The following ACOX2 variants were observed in gnomAD, a reference collection of about 807,000 sequenced individuals.
ACOX2 encodes the protein acyl-CoA oxidase 2, also known as peroxisomal acyl-coenzyme A oxidase 2.
Under a neutral mutation model 77.5 loss-of-function variants are expected in ACOX2, and 59 were observed. That is an observed-to-expected ratio of 0.76 (90% CI 0.62 to 0.95). The LOEUF (loss-of-function observed/expected upper bound fraction) is 0.95, where lower values mean the gene tolerates loss of function less well. Among genes scored for constraint, ACOX2 ranks in the 40% least tolerant of loss-of-function variants. The pLI is 0.00. For missense variants in ACOX2, 837 were observed against 880.4 expected (o/e 0.95, Z 0.62); for synonymous variants, 317 against 340.1 (o/e 0.93, Z 0.75).
rs1366823913 is a variant in ACOX2, at chr3:58,521,433, T to G, written c.1632+1063A>C. 9.9e-5 allele frequency among the ~76,000 whole-genome samples: 15 copies of G among 152,090 alleles called. No individual in the cohort carries two copies. The East Asian group carries it at 1.5e-3, about 16-fold the overall frequency. On this transcript the variant is annotated intron_variant, in intron 12 of 14. Coordinates refer to ENST00000302819, the MANE Select transcript of ACOX2 (RefSeq NM_003500.4). The surrounding 1 kb of genome is among the most constrained non-coding windows in gnomAD (Gnocchi z 4.8). ...AGCTGCCTAAGCTAGAACTCAGGAGTTGTTCTTACCTCTTTCCCACCCCAG... is the reference window on the plus strand; with the variant it reads ...AGCTGCCTAAGCTAGAACTCAGGAGGTGTTCTTACCTCTTTCCCACCCCAG...
At position 58,512,356 on chromosome 3, in the gene ACOX2, T is replaced by A. The variant is rs2063294234; in HGVS notation, c.1851-3331A>T. 6.6e-6 allele frequency among the ~76,000 whole-genome samples: 1 copy of A among 152,234 alleles called. No homozygotes were observed. The highest frequency in any genetic ancestry group is 2.4e-5 in the African/African-American group (1 of 41,466). ...CTCCAATCCACTATCATCACTCACT[T>A]GGATGATTGCATTAGCGATCCAGCT... is the stretch of plus-strand genomic sequence containing the variant. On this transcript the variant is annotated intron_variant, in intron 13 of 14. Transcript: ENST00000302819. The surrounding 1 kb of genome is among the most constrained non-coding windows in gnomAD (Gnocchi z 4.8).
intron 13 of ACOX2, among the ~76,000 whole-genome samples, chr3:58,513,516 C>T (rs2063301641): frequency 6.6e-6 from 1 of 152,028 alleles, no homozygotes; most frequent in Non-Finnish European, 1.5e-5. Context: ...TTTCCATTAT[C>T]ATTTTTTAAC....
intron 12 of ACOX2, among the ~76,000 whole-genome samples, chr3:58,520,992 T>C (rs192122628): frequency 1.3e-5 from 2 of 152,320 alleles, no homozygotes; most frequent in African/African-American, 4.8e-5. Flanking sequence ...CTGTGTGGAT[T>C]AAATGAAGTA....
chr3:58,505,228 A>C lies in ACOX2; in HGVS notation c.2042T>G (p.Leu681Arg), dbSNP rs2063225637. The change falls in exon 15 of 15, where the codon CTA becomes CGA. Residue 681 changes from leucine (L) to arginine (R), a missense_variant. By Grantham distance (102) the Leu-to-Arg change is moderately radical. Transcript: ENST00000302819. This position sits in a 1 kb window ranked among gnomAD's most constrained non-coding sequence, Gnocchi z 4.4. The stretch of plus-strand genomic sequence containing the variant: ...TCTTGAATACTGTTGGTTATTTCAT[A>C]GCTTGGATCTCCAACTTTGTAAAAG... Reference protein sequence around the residue: ...RPLLQSWRSKL With the variant: ...RPLLQSWRSKR 4 of 1,612,960 alleles carry C rather than the reference A, an allele frequency of 2.5e-6. No individual in the cohort carries two copies. Among genetic ancestry groups the C allele is most frequent in the Non-Finnish European group, 3.4e-6 (4 of 1,179,464 alleles).
chr3:58,513,843 G>A (rs1444502364), intron 13 of ACOX2, among the ~76,000 whole-genome samples: 1 of 152,148 alleles, frequency 6.6e-6, no homozygotes, highest in Non-Finnish European at 1.5e-5. Flanking sequence ...GTTCACTATG[G>A]AGTGAATTGG....
At chr3:58,509,633 A>G (rs1230036603) in intron 13 of ACOX2, among the ~76,000 whole-genome samples, 1 of 112,130 alleles carries the variant, frequency 8.9e-6, no homozygotes, top group East Asian at 2.4e-4. Context: ...TTTTTGATAC[A>G]GAGTCTCAGT....
rs1043157756 is a variant in ACOX2, at chr3:58,531,295, G to A, written c.775C>T (p.His259Tyr). The A allele has an allele frequency of 6.2e-7, 1 of 1,613,656 alleles. No homozygotes were observed. Among genetic ancestry groups the A allele is most frequent in the South Asian group, 1.1e-5 (1 of 91,056 alleles). ...ATGTTCTCCCTGGGGACCCGCACAT[G>A]GTTCAGCTGCAGGAAGCCATTGTCT... ...QTDNGFLQLN[H>Y]VRVPRENMLS... is the part of the protein sequence containing the mutation. The change falls in exon 7 of 15, where the codon CAT (histidine) becomes TAT (tyrosine). Residue 259 changes from histidine (H) to tyrosine (Y), a missense_variant. By Grantham distance (83) the His-to-Tyr change is moderately conservative (BLOSUM62 2). Coordinates refer to ENST00000302819, the MANE Select transcript of ACOX2 (RefSeq NM_003500.4). The surrounding 1 kb of genome is among the most constrained non-coding windows in gnomAD (Gnocchi z 5.8).
In ACOX2 at chr3:58,530,453, G is replaced by A. The variant is rs142158459; in HGVS notation, c.992+13C>T. On this transcript the variant is annotated intron_variant, in intron 8 of 14. Transcript: ENST00000302819. Reference sequence around the variant, plus strand: ...AGCATATCTGCGGTAGTCAGTCACTGGGCACCCCTTGCCTGGGCCGGAGCC... The same window carrying A: ...AGCATATCTGCGGTAGTCAGTCACTAGGCACCCCTTGCCTGGGCCGGAGCC... 24,149 of 1,612,364 alleles carry A rather than the reference G, an allele frequency of 0.015. 231 individuals are homozygous for A. Among genetic ancestry groups the A allele is most frequent in the Middle Eastern group, 0.018 (109 of 6,030 alleles).
Position 58,505,899 on chromosome 3 carries a change from T to C in ACOX2, c.1984-613A>G, listed in dbSNP as rs2063230907. On this transcript the variant is annotated intron_variant, in intron 14 of 14. Coordinates refer to ENST00000302819, the MANE Select transcript of ACOX2 (RefSeq NM_003500.4). This position sits in a 1 kb window ranked among gnomAD's most constrained non-coding sequence, Gnocchi z 4.4. Reference sequence around the variant, plus strand: ...TCCGCCTCCTGGGTTCAAGCGATTCTTGTGCCTCAGCCTCCCGAGTACCTT... The same window carrying C: ...TCCGCCTCCTGGGTTCAAGCGATTCCTGTGCCTCAGCCTCCCGAGTACCTT... Among the ~76,000 whole-genome samples, 8 of 152,174 alleles carry C rather than the reference T, an allele frequency of 5.3e-5. No homozygotes were observed. The highest frequency in any genetic ancestry group is 4.6e-4 in the Admixed American group (7 of 15,280).
chr3:58,520,965 C>T (rs1460122260), intron 12 of ACOX2, among the ~76,000 whole-genome samples: 2 of 152,218 alleles, frequency 1.3e-5, no homozygotes, highest in Non-Finnish European at 2.9e-5. Context: ...GAAATAATGT[C>T]AGTCTCCCTC....
chr3:58,522,569 G>T lies in ACOX2; in HGVS notation c.1559C>A (p.Thr520Asn), dbSNP rs1264794494. 1.2e-6 allele frequency: 2 copies of T among 1,614,200 alleles called. No homozygotes were observed. The highest frequency in any genetic ancestry group is 2.2e-5 in the East Asian group (1 of 44,888). Reference protein sequence around the residue: ...LIKDSVQHLQTLTQSGADQHE... With the variant: ...LIKDSVQHLQNLTQSGADQHE... ...CTGGTCAGCTCCGGATTGCGTCAGGGTCTGTAAATGCTGCACTGAGTCCTT... is the reference window on the plus strand; with the variant it reads ...CTGGTCAGCTCCGGATTGCGTCAGGTTCTGTAAATGCTGCACTGAGTCCTT... Residue 520 changes from threonine to asparagine, a missense_variant, in exon 12 of 15, where the codon ACC becomes AAC. Physicochemically the swap from Thr to Asn is moderately conservative, Grantham distance 65. Transcript: ENST00000302819. The surrounding 1 kb of genome is among the most constrained non-coding windows in gnomAD (Gnocchi z 4.3).
In ACOX2 at chr3:58,535,135, G is replaced by A. The variant is rs1411083551; in HGVS notation, c.-29C>T. The A allele has an allele frequency of 1.2e-6, 2 of 1,614,058 alleles. No individual in the cohort carries two copies. Among genetic ancestry groups the A allele is most frequent in the Non-Finnish European group, 1.7e-6 (2 of 1,179,966 alleles). On this transcript the variant is annotated 5_prime_UTR_variant, in exon 2 of 15. Coordinates refer to ENST00000302819, the MANE Select transcript of ACOX2 (RefSeq NM_003500.4). This position sits in a 1 kb window ranked among gnomAD's most constrained non-coding sequence, Gnocchi z 4.8. ...ATCCTGGATCTGTCTGGTGACTATG[G>A]AGAGACACTTCCAACCCGGCTGCTC...
At position 58,534,098 on chromosome 3, in the gene ACOX2, C is replaced by T. The variant is rs538417562; in HGVS notation, c.371G>A (p.Arg124Lys). Residue 124 changes from arginine (R) to lysine (K), a missense_variant, in exon 4 of 15, where the codon AGA becomes AAA. Transcript: ENST00000302819. This position sits in a 1 kb window ranked among gnomAD's most constrained non-coding sequence, Gnocchi z 4.8. ...CTCTGAGCCCAGGCTCCTGAGGGCT[C>T]TCACGAAGACTCTGTGTATATTTAA... Reference protein sequence around the residue: ...VALNIHRVFVRALRSLGSEEQ... With the variant: ...VALNIHRVFVKALRSLGSEEQ... The T allele has an allele frequency of 9.3e-6, 15 of 1,614,182 alleles. No individual in the cohort carries two copies. In the African/African-American group the frequency reaches 1.6e-4, roughly 17 times the overall value.
Position 58,531,184 on chromosome 3 carries a change from C to T in ACOX2, c.819+67G>A. The T allele has an allele frequency of 6.9e-7, 1 of 1,455,614 alleles. No homozygotes were observed. Among genetic ancestry groups the T allele is most frequent in the Non-Finnish European group, 9.5e-7 (1 of 1,054,064 alleles). 90.2% of individuals were successfully genotyped at this position (1,455,614 alleles called of 1,614,324 possible). On this transcript the variant is annotated intron_variant, in intron 7 of 14. Coordinates refer to ENST00000302819, the MANE Select transcript of ACOX2 (RefSeq NM_003500.4). This position sits in a 1 kb window ranked among gnomAD's most constrained non-coding sequence, Gnocchi z 5.8. ...CTAAGCTCTATGGAGGACCCAGGCC[C>T]AGCCTGCACAAAGCGCAGGTCCCCT...
chr3:58,524,414 G>T lies in ACOX2; in HGVS notation c.1526+12C>A, dbSNP rs1320576083. On this transcript the variant is annotated intron_variant, in intron 11 of 14. Transcript: ENST00000302819. The surrounding 1 kb of genome is among the most constrained non-coding windows in gnomAD (Gnocchi z 5.5). ...CCCAGGTGGGATGGCTGATTTCTCA[G>T]CACTGGCTTACCTTACTGCCACATG... 1.2e-6 allele frequency: 2 copies of T among 1,607,570 alleles called. No homozygotes were observed. Among genetic ancestry groups the T allele is most frequent in the Admixed American group, 1.7e-5 (1 of 59,906 alleles).
Position 58,533,868 on chromosome 3 carries a change from G to A in ACOX2, c.475+126C>T, listed in dbSNP as rs984989818. ...TCAGGACCCTTGACTGCCAGCTGCT[G>A]GAATGTTTTCTTATTAAACATATGT... On this transcript the variant is annotated intron_variant, in intron 4 of 14. Coordinates refer to ENST00000302819, the MANE Select transcript of ACOX2 (RefSeq NM_003500.4). This position sits in a 1 kb window ranked among gnomAD's most constrained non-coding sequence, Gnocchi z 5.6. 2.4e-5 allele frequency: 31 copies of A among 1,282,840 alleles called. No individual in the cohort carries two copies. The East Asian group carries it at 2.9e-4, about 12-fold the overall frequency. 79.5% of individuals were successfully genotyped at this position (1,282,840 alleles called of 1,614,324 possible).
chr3:58,510,196 G>GTC (rs2063268027), intron 13 of ACOX2, among the ~76,000 whole-genome samples: 1 of 152,018 alleles, frequency 6.6e-6, no homozygotes, highest in Non-Finnish European at 1.5e-5. Flanking sequence ...TGGTAACTGG[G>GTC]ATACTGTATC....
chr3:58,519,931 G>T lies in ACOX2; in HGVS notation c.1633-2508C>A, dbSNP rs2063347151. ...TAATCTGAGAGCCACATCCTCAAAT[G>T]CTCAAGGCTCTGAGTTGAGGAGTGG... is the stretch of plus-strand genomic sequence containing the variant. On this transcript the variant is annotated intron_variant, in intron 12 of 14. Transcript: ENST00000302819. The surrounding 1 kb of genome is among the most constrained non-coding windows in gnomAD (Gnocchi z 5.0). Among the ~76,000 whole-genome samples the T allele has an allele frequency of 6.6e-6, 1 of 152,242 alleles. No homozygotes were observed. Among genetic ancestry groups the T allele is most frequent in the African/African-American group, 2.4e-5 (1 of 41,466 alleles).
At chr3:58,529,258 G>A (rs1338161585) in intron 8 of ACOX2, 5 of 201,404 alleles carry the variant, frequency 2.5e-5, no homozygotes, top group South Asian at 1.7e-4. Flanking sequence ...ACTCCAACAC[G>A]TCTGGTCCCA....
Sources: allele counts gnomAD v4.1 joint callset (sites outside exome capture counted in the v4.1 genomes callset), GRCh38; gene constraint gnomAD v4.1.1; non-coding constraint Gnocchi (gnomAD v3.1); transcripts MANE v1.5; gene names NCBI Gene and HGNC (gene_info 2026-07-23, HGNC 2026-07-21).